The following ARB2A variants were observed in gnomAD, a reference collection of about 807,000 sequenced individuals.
ARB2A encodes the protein ARB2 cotranscriptional regulator A, also known as cotranscriptional regulator ARB2A.
the ARB2A span, chr5:93,738,731 A>G: frequency 6.6e-6 from 1 of 152,370 alleles, no homozygotes; most frequent in African/African-American, 2.4e-5. Context: ...GTATGGTTCC[A>G]TGAATATGAA....
the ARB2A span, among the ~76,000 whole-genome samples, chr5:93,841,632 T>C: frequency 6.6e-6 from 1 of 152,200 alleles, no homozygotes; most frequent in Non-Finnish European, 1.5e-5. Flanking sequence ...AAAGAATGAT[T>C]AGGAAACTAA....
chr5:93,879,528 AAAC>A, the ARB2A span, among the ~76,000 whole-genome samples: 2 of 151,932 alleles, frequency 1.3e-5, no homozygotes, highest in African/African-American at 2.4e-5. Context: ...ATTAAAAAGA[AAAC>A]AAAAGGAAAG....
chr5:94,004,219 T>C, the ARB2A span, among the ~76,000 whole-genome samples: 1 of 152,144 alleles, frequency 6.6e-6, no homozygotes, highest in Non-Finnish European at 1.5e-5. Flanking sequence ...AAGTAAACTA[T>C]AAAACTTCTA....
At chr5:93,987,081 T>G in the ARB2A span, among the ~76,000 whole-genome samples, 1 of 152,012 alleles carries the variant, frequency 6.6e-6, no homozygotes, top group African/African-American at 2.4e-5. Flanking sequence ...CCTATTAAAA[T>G]TAAATATACA....
chr5:93,785,081 T>C, the ARB2A span, among the ~76,000 whole-genome samples: 1 of 152,198 alleles, frequency 6.6e-6, no homozygotes, highest in Admixed American at 6.6e-5. Flanking sequence ...AAACATTATA[T>C]TTTATAATAA....
At chr5:93,684,843 GA>G in the ARB2A span, among the ~76,000 whole-genome samples, 1 of 152,186 alleles carries the variant, frequency 6.6e-6, no homozygotes, top group Non-Finnish European at 1.5e-5. Flanking sequence ...ACAGACTAAA[GA>G]GGGGGTAAAC....
chr5:93,740,900 C>G, the ARB2A span: 1 of 1,613,940 alleles, frequency 6.2e-7, no homozygotes, highest in Non-Finnish European at 8.5e-7. Flanking sequence ...AGGCTGTTTC[C>G]GATTCGTCGC....
At chr5:93,759,627 C>G in the ARB2A span, among the ~76,000 whole-genome samples, 1 of 152,186 alleles carries the variant, frequency 6.6e-6, no homozygotes, top group Non-Finnish European at 1.5e-5. Flanking sequence ...ACCACATAAA[C>G]AGAATTAAAA....
the ARB2A span, among the ~76,000 whole-genome samples, chr5:94,035,691 T>A: frequency 6.6e-6 from 1 of 152,178 alleles, no homozygotes; most frequent in Admixed American, 6.5e-5. Flanking sequence ...AAAGAATGAG[T>A]TCGTGTCCTT....
the ARB2A span, among the ~76,000 whole-genome samples, chr5:93,917,879 GAAACA>G: frequency 6.6e-6 from 1 of 152,054 alleles, no homozygotes; most frequent in African/African-American, 2.4e-5. Flanking sequence ...CCCTGTCTCA[GAAACA>G]AAACAAAACA....
chr5:93,855,167 G>C, the ARB2A span, among the ~76,000 whole-genome samples: 1 of 152,116 alleles, frequency 6.6e-6, no homozygotes, highest in African/African-American at 2.4e-5. Flanking sequence ...ATATATTTAG[G>C]ATAGTTAGCT....
chr5:93,927,932 A>G, the ARB2A span, among the ~76,000 whole-genome samples: 2 of 152,148 alleles, frequency 1.3e-5, no homozygotes, highest in African/African-American at 2.4e-5. Flanking sequence ...AAAAATCATT[A>G]ATTTTCTGTC....
At chr5:93,945,600 A>C in the ARB2A span, among the ~76,000 whole-genome samples, 1 of 152,142 alleles carries the variant, frequency 6.6e-6, no homozygotes, top group Non-Finnish European at 1.5e-5. Flanking sequence ...TGGTTAAAAG[A>C]AAAAGTAGGC....
chr5:93,972,764 AC>A, the ARB2A span, among the ~76,000 whole-genome samples: 1 of 152,128 alleles, frequency 6.6e-6, no homozygotes, highest in African/African-American at 2.4e-5. Context: ...ACCAAATGGA[AC>A]TTCTGGTATT....
the ARB2A span, among the ~76,000 whole-genome samples, chr5:94,106,370 A>G: frequency 6.6e-6 from 1 of 152,310 alleles, no homozygotes; most frequent in Non-Finnish European, 1.5e-5. Context: ...CAAACATATG[A>G]AAAAATGCTC....
At chr5:93,788,655 C>T in the ARB2A span, among the ~76,000 whole-genome samples, 8 of 152,142 alleles carry the variant, frequency 5.3e-5, no homozygotes, top group Non-Finnish European at 1.2e-4. Context: ...AATGACTTTC[C>T]GCAAAGGAAA....
At chr5:93,826,666 AC>A in the ARB2A span, among the ~76,000 whole-genome samples, 1 of 152,060 alleles carries the variant, frequency 6.6e-6, no homozygotes, top group Non-Finnish European at 1.5e-5. Flanking sequence ...ACATATGAAT[AC>A]ATGTGCCATG....
At chr5:93,982,993 T>G in the ARB2A span, among the ~76,000 whole-genome samples, 1,893 of 152,122 alleles carry the variant, frequency 0.012, 45 homozygotes, top group African/African-American at 0.043. Flanking sequence ...GAGGCAGAGG[T>G]TGCAGTGAAC....
the ARB2A span, among the ~76,000 whole-genome samples, chr5:93,839,105 C>G: frequency 6.6e-6 from 1 of 152,066 alleles, no homozygotes; most frequent in Non-Finnish European, 1.5e-5. Flanking sequence ...AGAGAGCATC[C>G]CTGTCACGTT....
Sources: allele counts gnomAD v4.1 joint callset (sites outside exome capture counted in the v4.1 genomes callset), GRCh38; gene constraint gnomAD v4.1.1; transcripts MANE v1.5; gene names NCBI Gene and HGNC (gene_info 2026-07-23, HGNC 2026-07-21).